HERC3: variants seen among roughly 807,000 people sequenced by gnomAD.
HERC3 encodes the protein HECT and RLD domain containing E3 ubiquitin protein ligase 3.
In HERC3, 58 loss-of-function variants were observed where a neutral mutation model predicts 129.9. The observed-to-expected ratio is 0.45, with a 90% CI of 0.36 to 0.56. HERC3 has a LOEUF of 0.56. Ranked by LOEUF, HERC3 falls within the 20% of genes least tolerant of loss-of-function variation. HERC3 has a pLI of 0.00. For missense variants in HERC3, 835 were observed against 1,244.2 expected, an observed-to-expected ratio of 0.67 and a Z score of 4.95; for synonymous variants, 430 against 451.0, an observed-to-expected ratio of 0.95 and a Z score of 0.59.
chr4:88,654,702 G>A (rs1729696619), intron 7 of HERC3, among the ~76,000 whole-genome samples: 1 of 151,692 alleles, frequency 6.6e-6, no homozygotes, highest in Middle Eastern at 3.4e-3. Flanking sequence ...GAATGAAAAT[G>A]TATTTTTATA....
chr4:88,544,964 T>A, the HERC3 span, among the ~76,000 whole-genome samples: 1 of 152,138 alleles, frequency 6.6e-6, no homozygotes, highest in African/African-American at 2.4e-5. Context: ...GACGAGTTGA[T>A]GGGTGCAGCA....
In HERC3 at chr4:88,704,518, A is replaced by G. The variant is rs764705193; in HGVS notation, c.2852A>G (p.Tyr951Cys). ...NWEELEETAIYKGDYSATHPT... is the reference protein window; with the variant it reads ...NWEELEETAICKGDYSATHPT... Reference sequence around the variant, plus strand: ...CTCTTTTTTGGACAGACTGCCATCTACAAGGGAGATTACTCGGCCACACAT... The same window carrying G: ...CTCTTTTTTGGACAGACTGCCATCTGCAAGGGAGATTACTCGGCCACACAT... Residue 951 changes from tyrosine to cysteine, a missense_variant, in exon 25 of 26, where the codon TAC (tyrosine) becomes TGC (cysteine). Physicochemically the swap from Tyr to Cys is radical, Grantham distance 194. Coordinates refer to ENST00000402738, the MANE Select transcript of HERC3 (RefSeq NM_014606.3). The G allele has an allele frequency of 1.9e-6, 3 of 1,606,062 alleles. No homozygotes were observed. Among genetic ancestry groups the G allele is most frequent in the Non-Finnish European group, 2.6e-6 (3 of 1,172,738 alleles).
chr4:88,632,373 G>A (rs1294408878), intron 3 of HERC3, among the ~76,000 whole-genome samples: 1 of 152,186 alleles, frequency 6.6e-6, no homozygotes, highest in East Asian at 1.9e-4. Context: ...TATCCAAAAT[G>A]TTCATGGTAC....
Position 88,638,279 on chromosome 4 carries a change from A to T in HERC3, c.227-11561A>T, listed in dbSNP as rs544577004. ...ATCCTGATACCAAAACCTGGCAGAG[A>T]CACAACAAAAAAAAGAAAATTTCAG... On this transcript the variant is annotated intron_variant, in intron 3 of 25. Coordinates refer to ENST00000402738, the MANE Select transcript of HERC3 (RefSeq NM_014606.3). Among the ~76,000 whole-genome samples the T allele has an allele frequency of 6.6e-5, 10 of 150,668 alleles. No individual in the cohort carries two copies. In the East Asian group the frequency reaches 2.1e-3, roughly 32 times the overall value.
intron 2 of HERC3, among the ~76,000 whole-genome samples, chr4:88,599,844 C>T (rs1405830456): frequency 2.6e-5 from 4 of 152,168 alleles, no homozygotes; most frequent in Non-Finnish European, 4.4e-5. Context: ...AATTACTTAG[C>T]GGGTCAGATA....
chr4:88,664,270 G>T (rs565442407), intron 12 of HERC3, 58 bp downstream of exon 12: 2 of 1,386,302 alleles, frequency 1.4e-6, no homozygotes, highest in African/African-American at 1.4e-5. Flanking sequence ...CAAGCTATTT[G>T]GAAGGCTGAC....
At chr4:88,644,498 A>T (rs557669523) in intron 3 of HERC3, among the ~76,000 whole-genome samples, 2 of 152,332 alleles carry the variant, frequency 1.3e-5, no homozygotes, top group African/African-American at 4.8e-5. Context: ...AAAACAATCC[A>T]GTTTCAAAGA....
intron 1 of HERC3, among the ~76,000 whole-genome samples, chr4:88,594,531 G>A (rs946998302): frequency 1.3e-5 from 2 of 152,098 alleles, no homozygotes; most frequent in Non-Finnish European, 2.9e-5. Flanking sequence ...ACCCTCCAAA[G>A]TAGCTGGGAC....
chr4:88,641,881 G>A (rs867367989), intron 3 of HERC3, among the ~76,000 whole-genome samples: 20 of 152,248 alleles, frequency 1.3e-4, no homozygotes, highest in East Asian at 1.2e-3. Context: ...ACTTTGGGAG[G>A]CTGAGGTGGG....
intron 3 of HERC3, among the ~76,000 whole-genome samples, chr4:88,626,460 A>G (rs185651737): frequency 5.0e-4 from 76 of 151,978 alleles, no homozygotes; most frequent in African/African-American, 1.7e-3. Context: ...GGGATATTTT[A>G]TTTTACTTTA....
the HERC3 span, among the ~76,000 whole-genome samples, chr4:88,579,232 A>AAATATATATATAT: frequency 6.7e-5 from 7 of 104,096 alleles, 1 homozygote; most frequent in African/African-American, 4.3e-4. Flanking sequence ...AAAAAAAAAA[A>AAATATATATATAT]ATATATATAT....
intron 8 of HERC3, 118 bp downstream of exon 8, chr4:88,655,422 A>C: frequency 1.8e-6 from 2 of 1,140,388 alleles, no homozygotes; most frequent in Non-Finnish European, 2.5e-6. Context: ...TCTTAACTGC[A>C]TGCACGCCTA....
At chr4:88,678,862 C>T (rs953181340) in intron 19 of HERC3, among the ~76,000 whole-genome samples, 50 of 152,202 alleles carry the variant, frequency 3.3e-4, no homozygotes, top group Admixed American at 2.6e-4. Flanking sequence ...TCGTATCAAT[C>T]TGCCTGGTTG....
At chr4:88,627,121 A>C (rs1324380139) in intron 3 of HERC3, among the ~76,000 whole-genome samples, 1 of 152,180 alleles carries the variant, frequency 6.6e-6, no homozygotes, top group African/African-American at 2.4e-5. Flanking sequence ...AATACTTTGT[A>C]ATAATTCCTG....
intron 3 of HERC3, among the ~76,000 whole-genome samples, chr4:88,625,219 A>G (rs187997891): frequency 1.4e-4 from 21 of 152,188 alleles, no homozygotes; most frequent in African/African-American, 5.1e-4. Context: ...CAGCTTTTCA[A>G]TTTTGGAAGA....
intron 7 of HERC3, among the ~76,000 whole-genome samples, 185 bp from the exon 8 acceptor site, chr4:88,654,989 G>GC (rs1452239017): frequency 6.6e-6 from 1 of 152,214 alleles, no homozygotes; most frequent in African/African-American, 2.4e-5. Flanking sequence ...CCATAAAGAT[G>GC]CAGTCTGAAA....
At chr4:88,648,884 C>G (rs1728973139) in intron 3 of HERC3, among the ~76,000 whole-genome samples, 4 of 151,586 alleles carry the variant, frequency 2.6e-5, no homozygotes, top group Non-Finnish European at 5.9e-5. Context: ...TTCTAACTTT[C>G]AATCCTGCTT....
intron 23 of HERC3, chr4:88,697,581 A>C: frequency 1.2e-6 from 2 of 1,613,748 alleles, no homozygotes; most frequent in Non-Finnish European, 8.5e-7. Flanking sequence ...CATTCTCTGC[A>C]GGGGTCTGGG....
the HERC3 span, among the ~76,000 whole-genome samples, chr4:88,581,465 AT>A: frequency 6.8e-4 from 99 of 145,150 alleles, no homozygotes; most frequent in Middle Eastern, 7.0e-3. Context: ...GCCTGGCTAA[AT>A]TTTTTTTTTT....
Sources: gnomAD v4.1 joint callset for allele counts (sites outside exome capture counted in the v4.1 genomes callset) on GRCh38, gnomAD v4.1.1 for gene constraint, MANE v1.5 for transcripts, NCBI Gene and HGNC (gene_info 2026-07-23, HGNC 2026-07-21) for gene names.